FAF2: variants seen among roughly 807,000 people sequenced by gnomAD.
FAF2 encodes FAS-associated factor 2.
FAF2 carries 9 observed loss-of-function variants against 62.3 expected under a neutral mutation model. The observed-to-expected ratio is 0.14, with a 90% CI of 0.09 to 0.25. FAF2 has a LOEUF of 0.25. Ranked by LOEUF, FAF2 falls within the 10% of genes least tolerant of loss-of-function variation. FAF2 has a pLI of 1.00. For synonymous variants in FAF2, 202 were observed against 198.0 expected (o/e 1.02, Z -0.17); for missense variants, 368 against 556.2 (o/e 0.66, Z 3.40).
chr5:176,500,141 C>T lies in FAF2; in HGVS notation c.1150C>T (p.Leu384=). 1 of 1,613,988 alleles carries T rather than the reference C, an allele frequency of 6.2e-7. No individual in the cohort carries two copies. Among genetic ancestry groups the T allele is most frequent in the Non-Finnish European group, 8.5e-7 (1 of 1,179,960 alleles). The change falls in exon 10 of 11, where the codon CTA becomes TTA. Residue 384 remains leucine (L), a synonymous_variant. Coordinates refer to ENST00000261942, the MANE Select transcript of FAF2 (RefSeq NM_014613.3). The stretch of plus-strand genomic sequence containing the variant: ...GAGACGATTCCACTTTTCACAGTCT[C>T]TAACAGTAAGGACCACCTAAGTTCT... ...VERRFHFSQS[L]TVIHDFLFSL...
At position 176,494,424 on chromosome 5, in the gene FAF2, T is replaced by C; in HGVS notation, c.661+149T>C. The C allele has an allele frequency of 1.5e-6, 1 of 687,098 alleles. No individual in the cohort carries two copies. The highest frequency in any genetic ancestry group is 1.7e-5 in the South Asian group (1 of 58,132). The allele number at this position is 687,098 out of a possible 1,614,324, so 42.6% of individuals were successfully genotyped here. On this transcript the variant is annotated intron_variant, in intron 7 of 10. Coordinates refer to ENST00000261942, the MANE Select transcript of FAF2 (RefSeq NM_014613.3). This position sits in a 1 kb window ranked among gnomAD's most constrained non-coding sequence, Gnocchi z 4.0. Reference sequence around the variant, plus strand: ...TTTTATATTGTCTCATTTAATCCTCTCAGCAGTCCTGAGAGATGGGGGGTC... The same window carrying C: ...TTTTATATTGTCTCATTTAATCCTCCCAGCAGTCCTGAGAGATGGGGGGTC...
At chr5:176,459,250 CTTTT>C (rs11386560) in intron 1 of FAF2, among the ~76,000 whole-genome samples, 5 of 116,420 alleles carry the variant, frequency 4.3e-5, no homozygotes, top group African/African-American at 1.7e-4. Flanking sequence ...TCCAGTTAAC[CTTTT>C]TTTTTTTTTT....
intron 1 of FAF2, among the ~76,000 whole-genome samples, chr5:176,466,501 A>G (rs1334783571): frequency 6.6e-6 from 1 of 152,224 alleles, no homozygotes; most frequent in Admixed American, 6.5e-5. Flanking sequence ...ATATGGAAAG[A>G]TAAACTCCAC....
chr5:176,481,433 A>C (rs1758781836), intron 2 of FAF2, among the ~76,000 whole-genome samples: 1 of 152,048 alleles, frequency 6.6e-6, no homozygotes, highest in South Asian at 2.1e-4. Flanking sequence ...CAAGGCAGGC[A>C]GATCACGAGG....
intron 2 of FAF2, among the ~76,000 whole-genome samples, chr5:176,483,206 G>A (rs1227561434): frequency 2.0e-5 from 3 of 152,028 alleles, no homozygotes; most frequent in Non-Finnish European, 4.4e-5. Flanking sequence ...ACAGGTACAT[G>A]CTATCTTGCC....
At chr5:176,496,761 A>C in intron 8 of FAF2, 98 bp downstream of exon 8, 1 of 924,692 alleles carries the variant, frequency 1.1e-6, no homozygotes, top group Middle Eastern at 2.4e-4. Flanking sequence ...TCTGTGCATC[A>C]GGCCGCTATT....
At chr5:176,493,876 ACCTTTTTTCCTTATTTTT>A in intron 5 of FAF2, 105 bp from the exon 6 acceptor site, 1 of 661,942 alleles carries the variant, frequency 1.5e-6, no homozygotes, top group Non-Finnish European at 2.6e-6. Context: ...TTTCTTGCTC[ACCTTTTTTCCTTATTTTT>A]CCTTTTGTTC....
intron 7 of FAF2, among the ~76,000 whole-genome samples, chr5:176,495,016 G>T (rs111825678): frequency 2.0e-5 from 3 of 151,848 alleles, no homozygotes; most frequent in Non-Finnish European, 4.4e-5. Flanking sequence ...TTTCATCAAC[G>T]ATTTTAACAG....
chr5:176,498,243 T>A (rs1755531970), intron 8 of FAF2, among the ~76,000 whole-genome samples: 1 of 152,256 alleles, frequency 6.6e-6, no homozygotes, highest in South Asian at 2.1e-4. Context: ...ATGTTCTGTC[T>A]TGATTGGAGT....
chr5:176,505,957 G>A lies in FAF2; in HGVS notation c.1156-811G>A, dbSNP rs190690890. Among the ~76,000 whole-genome samples, 450 of 152,166 alleles carry A rather than the reference G, an allele frequency of 3.0e-3. 3 individuals are homozygous for A. Among genetic ancestry groups the A allele is most frequent in the African/African-American group, 0.01 (428 of 41,518 alleles). ...TGTAATCCCAGCACTTTGGGAGGCCGAGACGGGAGGATCACAAGGTCAGAA... is the reference window on the plus strand; with the variant it reads ...TGTAATCCCAGCACTTTGGGAGGCCAAGACGGGAGGATCACAAGGTCAGAA... On this transcript the variant is annotated intron_variant, in intron 10 of 10. Transcript: ENST00000261942.
chr5:176,468,124 C>T (rs957520365), intron 1 of FAF2, among the ~76,000 whole-genome samples: 3 of 152,080 alleles, frequency 2.0e-5, no homozygotes, highest in South Asian at 2.1e-4. Context: ...GAAATCTTGC[C>T]ACTACACTCC....
chr5:176,449,450 C>G (rs573736722), intron 1 of FAF2, among the ~76,000 whole-genome samples: 28 of 152,248 alleles, frequency 1.8e-4, no homozygotes, highest in Middle Eastern at 3.4e-3. Context: ...TGGTGCACGC[C>G]TGTGGTCCCA....
intron 9 of FAF2, among the ~76,000 whole-genome samples, chr5:176,499,421 C>T (rs1755554006): frequency 6.6e-6 from 1 of 152,156 alleles, no homozygotes; most frequent in Non-Finnish European, 1.5e-5. Context: ...GCCACCATGC[C>T]TGGCCCTAAA....
intron 7 of FAF2, among the ~76,000 whole-genome samples, 191 bp from the exon 8 acceptor site, chr5:176,496,295 A>C (rs1581074209): frequency 6.6e-6 from 1 of 152,344 alleles, no homozygotes; most frequent in East Asian, 1.9e-4. Context: ...CCTGAGCAAC[A>C]TAGTGAGACC....
chr5:176,468,623 G>T (rs978983084), intron 1 of FAF2, among the ~76,000 whole-genome samples: 2 of 151,884 alleles, frequency 1.3e-5, no homozygotes, highest in African/African-American at 2.4e-5. Flanking sequence ...CTCCTCAAAA[G>T]AAAGTTCCTT....
intron 1 of FAF2, among the ~76,000 whole-genome samples, chr5:176,450,994 A>G (rs1758156603): frequency 6.6e-6 from 1 of 152,196 alleles, no homozygotes; most frequent in African/African-American, 2.4e-5. Flanking sequence ...CCAGACTGCC[A>G]TTAAACAAAC....
chr5:176,496,106 G>A (rs765045198), intron 7 of FAF2, among the ~76,000 whole-genome samples: 11 of 152,074 alleles, frequency 7.2e-5, no homozygotes, highest in Non-Finnish European at 1.0e-4. Context: ...CAACCACACC[G>A]CCACCAGGAA....
chr5:176,482,943 G>A (rs1758807393), intron 2 of FAF2, among the ~76,000 whole-genome samples: 1 of 151,958 alleles, frequency 6.6e-6, no homozygotes, highest in South Asian at 2.1e-4. Context: ...TGTTGGCCAG[G>A]ATGGTCTTGG....
chr5:176,465,472 A>G (rs574725029), intron 1 of FAF2, among the ~76,000 whole-genome samples: 4 of 150,436 alleles, frequency 2.7e-5, no homozygotes, highest in East Asian at 3.9e-4. Flanking sequence ...GATTCAAGCA[A>G]TTCTCCTGCT....
Sources: allele counts gnomAD v4.1 joint callset (sites outside exome capture counted in the v4.1 genomes callset), GRCh38; gene constraint gnomAD v4.1.1; non-coding constraint Gnocchi (gnomAD v3.1); transcripts MANE v1.5; gene names NCBI Gene and HGNC (gene_info 2026-07-23, HGNC 2026-07-21).